The following PHF24 variants were observed in gnomAD, a reference collection of about 807,000 sequenced individuals.
PHF24 encodes PHD finger protein 24, also known as Galpha inhibitory interacting protein.
Under a neutral mutation model 42.6 loss-of-function variants are expected in PHF24, and 25 were observed. The observed-to-expected ratio is 0.59, with a 90% confidence interval of 0.43 to 0.82. The LOEUF is 0.82. Ranked by LOEUF, PHF24 falls within the 40% of genes least tolerant of loss-of-function variation. The pLI is 0.00. For missense variants in PHF24, 470 were observed against 538.1 expected (o/e 0.87, Z 1.25); for synonymous variants, 185 against 204.8 (o/e 0.90, Z 0.83).
the PHF24 span, among the ~76,000 whole-genome samples, chr9:34,829,625 C>T: frequency 6.6e-6 from 1 of 152,204 alleles, no homozygotes; most frequent in African/African-American, 2.4e-5. Context: ...AGATGTAACG[C>T]TTTCTCTGCC....
the PHF24 span, among the ~76,000 whole-genome samples, chr9:34,782,856 A>G: frequency 1.3e-5 from 2 of 152,266 alleles, no homozygotes; most frequent in Non-Finnish European, 1.5e-5. Flanking sequence ...CTCCAAACCT[A>G]TATCTTTAAG....
At chr9:34,678,689 G>A in the PHF24 span, among the ~76,000 whole-genome samples, 427 of 151,840 alleles carry the variant, frequency 2.8e-3, no homozygotes, top group African/African-American at 9.8e-3. Flanking sequence ...GGAGTGCAGT[G>A]ACACGATCTC....
At chr9:34,892,312 T>G in the PHF24 span, among the ~76,000 whole-genome samples, 1 of 152,174 alleles carries the variant, frequency 6.6e-6, no homozygotes, top group African/African-American at 2.4e-5. Context: ...TAGCCTCCCA[T>G]GAAACCCAGA....
chr9:34,821,315 G>A, the PHF24 span, among the ~76,000 whole-genome samples: 1 of 151,646 alleles, frequency 6.6e-6, no homozygotes, highest in African/African-American at 2.4e-5. Flanking sequence ...TCATCTTTTT[G>A]GTTTATGACG....
the PHF24 span, chr9:34,728,185 CA>C: frequency 1.9e-6 from 2 of 1,073,666 alleles, no homozygotes; most frequent in Non-Finnish European, 2.7e-6. Context: ...GAAAAGACTA[CA>C]ATCCTGAAAA....
At chr9:34,733,953 C>T in the PHF24 span, among the ~76,000 whole-genome samples, 1 of 151,872 alleles carries the variant, frequency 6.6e-6, no homozygotes, top group African/African-American at 2.4e-5. Context: ...CACTGAGGTA[C>T]ATCTAACAGA....
At chr9:34,701,900 G>C in the PHF24 span, among the ~76,000 whole-genome samples, 1 of 152,190 alleles carries the variant, frequency 6.6e-6, no homozygotes, top group Non-Finnish European at 1.5e-5. The surrounding 1 kb of genome is among the most constrained non-coding windows in gnomAD (Gnocchi z 5.8). Context: ...CAGAGCCCAA[G>C]GTGCCCAATG....
the PHF24 span, among the ~76,000 whole-genome samples, chr9:34,928,105 A>G: frequency 6.6e-6 from 1 of 151,686 alleles, no homozygotes; most frequent in East Asian, 1.9e-4. Context: ...AATCCCAGCT[A>G]CTTGGGAGGC....
At chr9:34,972,432 T>C (rs773586802) in exon 3 of PHF24, 1 of 1,614,148 alleles carries the variant, frequency 6.2e-7, no homozygotes, top group East Asian at 2.2e-5. Context: ...GGGTTTTCCA[T>C]GATGGCTGCC....
chr9:34,911,726 C>A, the PHF24 span, among the ~76,000 whole-genome samples: 4 of 151,366 alleles, frequency 2.6e-5, no homozygotes, highest in African/African-American at 9.7e-5. Context: ...AAAAAAAAAA[C>A]TGTCCAGCCC....
intron 1 of PHF24, among the ~76,000 whole-genome samples, chr9:34,969,327 C>A (rs1424215519): frequency 6.6e-6 from 1 of 152,204 alleles, no homozygotes; most frequent in Non-Finnish European, 1.5e-5. Flanking sequence ...CACTACCATT[C>A]TTCTAGTTAG....
At chr9:34,877,519 T>C in the PHF24 span, among the ~76,000 whole-genome samples, 1 of 152,094 alleles carries the variant, frequency 6.6e-6, no homozygotes, top group Non-Finnish European at 1.5e-5. Flanking sequence ...GAGTTTCTGT[T>C]TGGTATGATG....
the PHF24 span, among the ~76,000 whole-genome samples, chr9:34,909,831 C>T: frequency 6.6e-6 from 1 of 152,096 alleles, no homozygotes; most frequent in African/African-American, 2.4e-5. Context: ...ACTGTGTTAG[C>T]TAGGATGGTC....
At chr9:34,915,106 C>G in the PHF24 span, among the ~76,000 whole-genome samples, 1 of 141,876 alleles carries the variant, frequency 7.0e-6, no homozygotes. Flanking sequence ...GATCACAGCT[C>G]ACTGCAGCCT....
At chr9:34,682,150 A>ATTTTTTTTTTT in the PHF24 span, among the ~76,000 whole-genome samples, 18 of 93,094 alleles carry the variant, frequency 1.9e-4, no homozygotes, top group East Asian at 3.5e-4. Context: ...AATTATTTCT[A>ATTTTTTTTTTT]TTTTTTTTTT....
intron 1 of PHF24, among the ~76,000 whole-genome samples, chr9:34,966,559 T>C (rs1826774857): frequency 1.3e-5 from 2 of 151,700 alleles, no homozygotes; most frequent in Admixed American, 1.3e-4. Context: ...AGTTCGAGAC[T>C]AGCCTGGGTA....
At chr9:34,684,532 G>A in the PHF24 span, among the ~76,000 whole-genome samples, 1 of 152,188 alleles carries the variant, frequency 6.6e-6, no homozygotes, top group Admixed American at 6.5e-5. Flanking sequence ...TGGCTTGATA[G>A]TAATGGGGGG....
chr9:34,716,570 T>TTTTGTTTTGC, the PHF24 span, among the ~76,000 whole-genome samples: 6 of 35,340 alleles, frequency 1.7e-4, no homozygotes, highest in East Asian at 1.9e-3. Flanking sequence ...TTTTGCTTTG[T>TTTTGTTTTGC]TTTGTTTTGT....
the PHF24 span, among the ~76,000 whole-genome samples, chr9:34,779,586 G>A: frequency 6.6e-6 from 1 of 152,034 alleles, no homozygotes; most frequent in African/African-American, 2.4e-5. Flanking sequence ...CAAAGTTGGA[G>A]GAATCACACT....
Sources: allele counts gnomAD v4.1 joint callset (sites outside exome capture counted in the v4.1 genomes callset), GRCh38; gene constraint gnomAD v4.1.1; non-coding constraint Gnocchi (gnomAD v3.1); transcripts MANE v1.5; gene names NCBI Gene and HGNC (gene_info 2026-07-23, HGNC 2026-07-21).